The following R3HCC1 variants were observed in gnomAD, a reference collection of about 807,000 sequenced individuals.
R3HCC1 encodes the protein R3H and coiled-coil domain-containing protein 1.
Under a neutral mutation model 40.0 loss-of-function variants are expected in R3HCC1, and 32 were observed. That is an observed-to-expected ratio of 0.80 (90% confidence interval 0.60 to 1.07). The LOEUF is 1.07. Ranked by LOEUF, R3HCC1 falls within the 50% of genes least tolerant of loss-of-function variation. The pLI is 0.00. For synonymous variants in R3HCC1, 237 were observed against 232.8 expected (o/e 1.02, Z -0.17); for missense variants, 586 against 563.3 (o/e 1.04, Z -0.41).
chr8:23,292,536 C>G (rs1282044537), intron 5 of R3HCC1, among the ~76,000 whole-genome samples: 1 of 152,178 alleles, frequency 6.6e-6, no homozygotes, highest in African/African-American at 2.4e-5. Context: ...ATGGTGTGAA[C>G]CCGGGAGGTG....
chr8:23,290,002 C>G lies in R3HCC1; in HGVS notation c.385C>G (p.Arg129Gly). Residue 129 changes from arginine (R) to glycine (G), a missense_variant, in exon 4 of 8, where the codon CGT becomes GGT. Transcript: ENST00000265806. The stretch of plus-strand genomic sequence containing the variant: ...AGGTGCCCGGGCTGGCCGGTGGTAT[C>G]GTGGACGCAAGCCTGACCAGCCTTT... The G allele has an allele frequency of 6.5e-7, 1 of 1,537,720 alleles. No homozygotes were observed. The highest frequency in any genetic ancestry group is 8.7e-7 in the Non-Finnish European group (1 of 1,146,930).
chr8:23,288,503 C>T lies in R3HCC1; in HGVS notation c.-18-3C>T. Reference sequence around the variant, plus strand: ...TTCCCGGCCCTGCCCGTCTCTCTTACAGGCTCTCCCACCTGTCACCCTGGC... The same window carrying T: ...TTCCCGGCCCTGCCCGTCTCTCTTATAGGCTCTCCCACCTGTCACCCTGGC... On this transcript the variant is annotated splice_polypyrimidine_tract_variant and splice_region_variant and intron_variant, in intron 1 of 7. Transcript: ENST00000265806. The T allele has an allele frequency of 6.5e-7, 1 of 1,536,014 alleles. No homozygotes were observed. The highest frequency in any genetic ancestry group is 1.2e-5 in the South Asian group (1 of 84,058).
At chr8:23,289,440 T>C (rs975959631) in intron 3 of R3HCC1, among the ~76,000 whole-genome samples, 1 of 152,240 alleles carries the variant, frequency 6.6e-6, no homozygotes, top group Non-Finnish European at 1.5e-5. Context: ...CTAGCATTCC[T>C]CTCAGTGAGC....
Position 23,288,641 on chromosome 8 carries a change from C to T in R3HCC1, c.110+8C>T, listed in dbSNP as rs970899166. On this transcript the variant is annotated splice_region_variant and intron_variant, in intron 2 of 7. Coordinates refer to ENST00000265806, the MANE Select transcript of R3HCC1 (RefSeq NM_001136108.3). ...GCAGAAGCAGCTGTCAAAGTAGGCTCATGTGAGGGGCGAGGGTGCCGCCTT... is the reference window on the plus strand; with the variant it reads ...GCAGAAGCAGCTGTCAAAGTAGGCTTATGTGAGGGGCGAGGGTGCCGCCTT... The T allele has an allele frequency of 7.8e-6, 12 of 1,535,518 alleles. No individual in the cohort carries two copies. Among genetic ancestry groups the T allele is most frequent in the East Asian group, 2.4e-5 (1 of 40,894 alleles).
At chr8:23,295,449 C>CTACT (rs1239530791) in intron 7 of R3HCC1, 2 of 457,160 alleles carry the variant, frequency 4.4e-6, no homozygotes, top group East Asian at 1.4e-4. Context: ...TTTTCCCCTT[C>CTACT]TACTTCCAGA....
intron 6 of R3HCC1, among the ~76,000 whole-genome samples, chr8:23,294,010 C>T (rs1802932925): frequency 6.6e-6 from 1 of 152,212 alleles, no homozygotes; most frequent in Non-Finnish European, 1.5e-5. Context: ...GCCCCCTTTA[C>T]TGGTCTTCCC....
intron 6 of R3HCC1, among the ~76,000 whole-genome samples, chr8:23,294,235 G>C (rs1802938659): frequency 6.6e-6 from 1 of 152,164 alleles, no homozygotes. Flanking sequence ...GCTGGGGTTG[G>C]CCATGGCGTT....
Position 23,295,763 on chromosome 8 carries a change from G to A in R3HCC1, c.1193-204G>A, listed in dbSNP as rs1802997505. 1.8e-5 allele frequency: 12 copies of A among 672,714 alleles called. No individual in the cohort carries two copies. The East Asian group carries it at 3.1e-4, about 17-fold the overall frequency. The allele number at this position is 672,714 out of a possible 1,614,324, so 41.7% of individuals were successfully genotyped here. ...AAGGGCATGTAGAGGCGACAAGTTT[G>A]GGTCAGCATCCCCTGGGGGGCCAGG... On this transcript the variant is annotated intron_variant, in intron 7 of 7. Coordinates refer to ENST00000265806, the MANE Select transcript of R3HCC1 (RefSeq NM_001136108.3).
At chr8:23,288,693 G>T in intron 2 of R3HCC1, 60 bp downstream of exon 2, 2 of 1,520,530 alleles carry the variant, frequency 1.3e-6, no homozygotes, top group Non-Finnish European at 8.8e-7. Flanking sequence ...TTCCCGAGCC[G>T]CCTGTGTGCC....
At chr8:23,293,664 CCT>C (rs1414849818) in intron 6 of R3HCC1, among the ~76,000 whole-genome samples, 1 of 152,168 alleles carries the variant, frequency 6.6e-6, no homozygotes. Context: ...AACGGATGTC[CCT>C]GTGTTAAATG....
At position 23,293,783 on chromosome 8, in the gene R3HCC1, A is replaced by G. The variant is rs576554572; in HGVS notation, c.1096+410A>G. ...ACTCGATTTTCGCTTCAGCCTCAAG[A>G]TGTAGGTCAGGTTACCTCCATTGTA... is the stretch of plus-strand genomic sequence containing the variant. On this transcript the variant is annotated intron_variant, in intron 6 of 7. Transcript: ENST00000265806. Among the ~76,000 whole-genome samples, 3 of 152,248 alleles carry G rather than the reference A, an allele frequency of 2.0e-5. No individual in the cohort carries two copies. In the East Asian group the frequency reaches 5.8e-4, roughly 29 times the overall value.
intron 4 of R3HCC1, 70 bp downstream of exon 4, chr8:23,290,539 C>G: frequency 6.8e-7 from 1 of 1,476,960 alleles, no homozygotes; most frequent in Non-Finnish European, 9.0e-7. Flanking sequence ...TGGATGGGGA[C>G]CAAGGGTTAT....
intron 6 of R3HCC1, among the ~76,000 whole-genome samples, 183 bp downstream of exon 6, chr8:23,293,556 C>A (rs780096685): frequency 6.6e-6 from 1 of 152,122 alleles, no homozygotes; most frequent in Non-Finnish European, 1.5e-5. Flanking sequence ...CATAGTAATG[C>A]GCCTTAATGA....
chr8:23,293,597 A>G (rs1802920593), intron 6 of R3HCC1, among the ~76,000 whole-genome samples: 1 of 152,162 alleles, frequency 6.6e-6, no homozygotes, highest in Non-Finnish European at 1.5e-5. Flanking sequence ...TAGTGCTTTC[A>G]ATGAAAAGGC....
chr8:23,291,839 C>A (rs895888887), intron 5 of R3HCC1, among the ~76,000 whole-genome samples: 3 of 152,222 alleles, frequency 2.0e-5, no homozygotes, highest in Non-Finnish European at 2.9e-5. Flanking sequence ...ACATGGCAGC[C>A]TCCTCTTCTC....
chr8:23,290,407 G>GA lies in R3HCC1; in HGVS notation c.791dup (p.Val265GlyfsTer16). 1 of 1,551,760 alleles carries GA rather than the reference G, an allele frequency of 6.4e-7. No homozygotes were observed. Among genetic ancestry groups the GA allele is most frequent in the Non-Finnish European group, 8.7e-7 (1 of 1,147,038 alleles). ...GGCAGAGGAGGAAGAGGACGAAGAG[G>GA]AGGTGGAAGAGGATGGCCCCAGCAG... is the stretch of plus-strand genomic sequence containing the variant. On this transcript the variant is annotated frameshift_variant, in exon 4 of 8. Transcript: ENST00000265806. LOFTEE classifies it high-confidence loss of function.
At position 23,289,115 on chromosome 8, in the gene R3HCC1, C is replaced by T; in HGVS notation, c.210C>T (p.Gly70=). 6.5e-7 allele frequency: 1 copy of T among 1,536,340 alleles called. No homozygotes were observed. Among genetic ancestry groups the T allele is most frequent in the Non-Finnish European group, 8.7e-7 (1 of 1,146,948 alleles). ...TGAGCAGCTTCTCCGTTGGGGAGGG[C>T]TGGAAGAGGAGGACGGTCATCTGTC... The change falls in exon 3 of 8, where the codon GGC becomes GGT. Residue 70 remains glycine, a synonymous_variant. Transcript: ENST00000265806.
In R3HCC1 at chr8:23,290,471, T is replaced by C. The variant is rs1452503500; in HGVS notation, c.852+2T>C. ...GATTACAGTGAGCTGCTGCAGGAGGTGATGAGGCTCTTGAGCCCGAAAAGG... is the reference window on the plus strand; with the variant it reads ...GATTACAGTGAGCTGCTGCAGGAGGCGATGAGGCTCTTGAGCCCGAAAAGG... On this transcript the variant is annotated splice_donor_variant, in intron 4 of 7. Coordinates refer to ENST00000265806, the MANE Select transcript of R3HCC1 (RefSeq NM_001136108.3). LOFTEE classifies it high-confidence loss of function. 6.5e-7 allele frequency: 1 copy of C among 1,546,124 alleles called. No individual in the cohort carries two copies. Among genetic ancestry groups the C allele is most frequent in the Non-Finnish European group, 8.7e-7 (1 of 1,144,308 alleles).
Position 23,288,626 on chromosome 8 carries a change from C to T in R3HCC1, c.103C>T (p.Leu35=), listed in dbSNP as rs530773745. 11 of 1,535,874 alleles carry T rather than the reference C, an allele frequency of 7.2e-6. No individual in the cohort carries two copies. Among genetic ancestry groups the T allele is most frequent in the Middle Eastern group, 1.7e-4 (1 of 6,012 alleles). The change falls in exon 2 of 8, where the codon CTG becomes TTG. Residue 35 remains leucine (L), a synonymous_variant. Transcript: ENST00000265806. ...GGACCGCTTTCTGCTGCAGAAGCAG[C>T]TGTCAAAGTAGGCTCATGTGAGGGG...
Sources: allele counts gnomAD v4.1 joint callset (sites outside exome capture counted in the v4.1 genomes callset), GRCh38; gene constraint gnomAD v4.1.1; transcripts MANE v1.5; gene names NCBI Gene and HGNC (gene_info 2026-07-23, HGNC 2026-07-21).